Variants in TP53BP2 observed in about 807,000 individuals in gnomAD.
TP53BP2 encodes the protein tumor protein p53 binding protein 2.
In TP53BP2, 62 loss-of-function variants were observed where a neutral mutation model predicts 126.2. The ratio of observed to expected loss-of-function variants is 0.49; its 90% CI spans 0.40 to 0.61. TP53BP2 has a LOEUF of 0.61. TP53BP2 is among the 20% of genes least tolerant of loss of function. The pLI is 0.00. For missense variants in TP53BP2, 1,215 were observed against 1,402.8 expected (o/e 0.87, Z 2.14); for synonymous variants, 485 against 502.9 (o/e 0.96, Z 0.48).
At position 223,780,682 on chromosome 1, in the gene TP53BP2, C is replaced by A. The variant is rs1446745890; in HGVS notation, c.*171G>T. 4.5e-6 allele frequency: 3 copies of A among 664,278 alleles called. No homozygotes were observed. The highest frequency in any genetic ancestry group is 7.6e-6 in the Non-Finnish European group (3 of 392,852). The allele number at this position is 664,278 out of a possible 1,614,324, so 41.1% of individuals were successfully genotyped here. ...TGCTTTATTTCATCACGCTAAATGT[C>A]CTCTAATGGTGAATTCTTCAATCCT... On this transcript the variant is annotated 3_prime_UTR_variant, in exon 18 of 18. Coordinates refer to ENST00000343537, the MANE Select transcript of TP53BP2 (RefSeq NM_001031685.3).
intron 14 of TP53BP2, among the ~76,000 whole-genome samples, 174 bp from the exon 15 acceptor site, chr1:223,792,696 A>G (rs1012927535): frequency 6.6e-6 from 1 of 152,178 alleles, no homozygotes; most frequent in African/African-American, 2.4e-5. Context: ...TTCTAGAAAT[A>G]AGACAGACAG....
At chr1:223,794,064 CAT>C (rs1210736108) in intron 13 of TP53BP2, among the ~76,000 whole-genome samples, 3 of 151,828 alleles carry the variant, frequency 2.0e-5, no homozygotes, top group Non-Finnish European at 1.5e-5. Flanking sequence ...CGGGGGAAAG[CAT>C]ATAATTAAGG....
chr1:223,839,558 C>A (rs1464401135), intron 1 of TP53BP2, among the ~76,000 whole-genome samples: 2 of 152,176 alleles, frequency 1.3e-5, no homozygotes, highest in African/African-American at 2.4e-5. Flanking sequence ...CTTTTCTATG[C>A]TTGTGCCTTA....
intron 11 of TP53BP2, among the ~76,000 whole-genome samples, chr1:223,799,356 CCTT>C (rs1285732042): frequency 6.6e-6 from 1 of 152,164 alleles, no homozygotes; most frequent in Non-Finnish European, 1.5e-5. Context: ...ATGACTTCCT[CCTT>C]GTTTCCACTT....
chr1:223,842,687 T>C (rs1026501994), intron 1 of TP53BP2, among the ~76,000 whole-genome samples: 4 of 152,248 alleles, frequency 2.6e-5, no homozygotes, highest in African/African-American at 9.6e-5. Context: ...TAAGAACACA[T>C]TTTTGTTTTG....
At chr1:223,838,193 CATT>C (rs1663985871) in intron 1 of TP53BP2, among the ~76,000 whole-genome samples, 1 of 152,124 alleles carries the variant, frequency 6.6e-6, no homozygotes, top group Non-Finnish European at 1.5e-5. Flanking sequence ...CCAAATCTCC[CATT>C]AAGCACTATG....
intron 5 of TP53BP2, among the ~76,000 whole-genome samples, chr1:223,806,400 C>T (rs1398635242): frequency 2.0e-5 from 3 of 152,250 alleles, no homozygotes; most frequent in Non-Finnish European, 4.4e-5. Flanking sequence ...ACAAAGAGAG[C>T]ACCAAACAGC....
Position 223,792,485 on chromosome 1 carries a change from G to A in TP53BP2, c.2900C>T (p.Thr967Met). 1 of 1,614,042 alleles carries A rather than the reference G, an allele frequency of 6.2e-7. No individual in the cohort carries two copies. The highest frequency in any genetic ancestry group is 8.5e-7 in the Non-Finnish European group (1 of 1,179,946). Reference sequence around the variant, plus strand: ...TGCACACACAGCATTGTGAAGAGCCGTGATGCCTTCATCATTGGGGAGGCT... The same window carrying A: ...TGCACACACAGCATTGTGAAGAGCCATGATGCCTTCATCATTGGGGAGGCT... ...DPSLPNDEGITALHNAVCAGH... is the reference protein window; with the variant it reads ...DPSLPNDEGIMALHNAVCAGH... Residue 967 changes from threonine (T) to methionine (M), a missense_variant, in exon 15 of 18, where the codon ACG becomes ATG. Physicochemically the swap from Thr to Met is moderately conservative, Grantham distance 81 (BLOSUM62 -1). Transcript: ENST00000343537.
At chr1:223,813,932 A>T (rs540480396) in intron 3 of TP53BP2, among the ~76,000 whole-genome samples, 3 of 152,098 alleles carry the variant, frequency 2.0e-5, no homozygotes, top group Non-Finnish European at 4.4e-5. Context: ...GTTATTATGG[A>T]AGAGGGATCC....
intron 12 of TP53BP2, among the ~76,000 whole-genome samples, chr1:223,797,845 T>TAC (rs139814982): frequency 3.9e-4 from 59 of 151,368 alleles, no homozygotes; most frequent in Admixed American, 1.1e-3. Context: ...TATATGTATA[T>TAC]ACACACACAC....
chr1:223,810,590 C>G (rs1662878219), intron 3 of TP53BP2, 77 bp from the exon 4 acceptor site: 1 of 959,510 alleles, frequency 1.0e-6, no homozygotes, highest in African/African-American at 1.7e-5. Flanking sequence ...TTTCTGAGTT[C>G]TGTCATTACT....
intron 1 of TP53BP2, among the ~76,000 whole-genome samples, chr1:223,831,678 A>AT (rs1374017647): frequency 1.3e-5 from 2 of 150,994 alleles, no homozygotes; most frequent in Non-Finnish European, 1.5e-5. Flanking sequence ...AAAATATTTC[A>AT]TTAAAAATGG....
At chr1:223,837,463 T>C (rs748272135) in intron 1 of TP53BP2, among the ~76,000 whole-genome samples, 3 of 152,118 alleles carry the variant, frequency 2.0e-5, no homozygotes, top group African/African-American at 7.2e-5. Flanking sequence ...CATTCCTGTC[T>C]GGTCTTACTT....
At position 223,831,662 on chromosome 1, in the gene TP53BP2, A is replaced by G. The variant is rs1663735894; in HGVS notation, c.28-10295T>C. On this transcript the variant is annotated intron_variant, in intron 1 of 17. Coordinates refer to ENST00000343537, the MANE Select transcript of TP53BP2 (RefSeq NM_001031685.3). ...TAGTTAATACAAACTGGGATAAAAG[A>G]ACATGAAAATATTTCATTAAAAATG... 2.0e-5 allele frequency among the ~76,000 whole-genome samples: 3 copies of G among 151,128 alleles called. No individual in the cohort carries two copies. The South Asian group carries it at 6.2e-4, about 31-fold the overall frequency.
In TP53BP2 at chr1:223,796,445, T is replaced by G. The variant is rs1309767852; in HGVS notation, c.2094A>C (p.Arg698Ser). 11 of 1,614,214 alleles carry G rather than the reference T, an allele frequency of 6.8e-6. No homozygotes were observed. Among genetic ancestry groups the G allele is most frequent in the East Asian group, 2.2e-5 (1 of 44,888 alleles). The change falls in exon 13 of 18, where the codon AGA becomes AGC. Residue 698 changes from arginine to serine, a missense_variant. Arg to Ser is a moderately radical substitution (Grantham distance 110). Coordinates refer to ENST00000343537, the MANE Select transcript of TP53BP2 (RefSeq NM_001031685.3). This position sits in a 1 kb window ranked among gnomAD's most constrained non-coding sequence, Gnocchi z 4.2. ...SSVQENHENERIPRPLSPTKL... is the reference protein window; with the variant it reads ...SSVQENHENESIPRPLSPTKL... ...TAGTTGGGCTGAGTGGCCGAGGAAT[T>G]CTTTCGTTTTCATGGTTCTCCTGAA...
intron 16 of TP53BP2, among the ~76,000 whole-genome samples, chr1:223,784,763 GAA>G (rs1448521457): frequency 6.6e-6 from 1 of 152,008 alleles, no homozygotes; most frequent in Admixed American, 6.6e-5. Flanking sequence ...AGCAGACAGA[GAA>G]AAAAAGATGG....
At chr1:223,808,726 A>AT (rs1662811798) in intron 4 of TP53BP2, among the ~76,000 whole-genome samples, 1 of 150,764 alleles carries the variant, frequency 6.6e-6, no homozygotes, top group Non-Finnish European at 1.5e-5. Flanking sequence ...AGTATGCTCC[A>AT]TTAAAAAAAA....
At chr1:223,783,778 C>T (rs10159010) in intron 17 of TP53BP2, among the ~76,000 whole-genome samples, 2,619 of 152,262 alleles carry the variant, frequency 0.017, 83 homozygotes, top group African/African-American at 0.06. Context: ...TAATGCCCTG[C>T]TGAAGCTCTC....
chr1:223,809,810 G>A (rs759936569), intron 4 of TP53BP2, among the ~76,000 whole-genome samples: 1 of 151,972 alleles, frequency 6.6e-6, no homozygotes, highest in Non-Finnish European at 1.5e-5. Context: ...ATGCAATAGC[G>A]AGAGTATAAA....
Sources: allele counts gnomAD v4.1 joint callset (sites outside exome capture counted in the v4.1 genomes callset), GRCh38; gene constraint gnomAD v4.1.1; non-coding constraint Gnocchi (gnomAD v3.1); transcripts MANE v1.5; gene names NCBI Gene and HGNC (gene_info 2026-07-23, HGNC 2026-07-21).